The following FAM220A variants were observed in gnomAD, a reference collection of about 807,000 sequenced individuals.
FAM220A encodes the protein family with sequence similarity 220 member A.
For synonymous variants in FAM220A, 141 were observed against 130.7 expected, an observed-to-expected ratio of 1.08 and a Z score of -0.54; for missense variants, 392 against 321.6, an observed-to-expected ratio of 1.22 and a Z score of -1.68.
intron 1 of FAM220A, among the ~76,000 whole-genome samples, chr7:6,342,619 G>A (rs1334220611): frequency 6.6e-6 from 1 of 152,070 alleles, no homozygotes; most frequent in Non-Finnish European, 1.5e-5. Context: ...ACACCCAAGA[G>A]AAATAAAAAC....
rs551988767 is a variant in FAM220A at position 6,348,213 on chromosome 7, G to A, written c.-82+360C>T. On this transcript the variant is annotated intron_variant, in intron 1 of 1. Coordinates refer to ENST00000313324, the MANE Select transcript of FAM220A (RefSeq NM_001037163.2). ...AAGCCACCGCGCCCGGCCGAGACCC[G>A]TCTTTACAATTAAAAATAAGGGGGG... 1.7e-4 allele frequency among the ~76,000 whole-genome samples: 23 copies of A among 133,446 alleles called. No homozygotes were observed. In the South Asian group the frequency reaches 3.1e-3, roughly 18 times the overall value. The allele number at this position is 133,446 out of a possible 152,430, so 87.5% of individuals were successfully genotyped here.
Position 6,330,420 on chromosome 7 carries a change from C to T in FAM220A, c.735G>A (p.Leu245=). 6.2e-7 allele frequency: 1 copy of T among 1,614,026 alleles called. No homozygotes were observed. The highest frequency in any genetic ancestry group is 1.1e-5 in the South Asian group (1 of 91,054). ...SDGLQITLGL[L]ALQPFELANT... is the part of the protein sequence containing the mutation. Reference sequence around the variant, plus strand: ...TTGCTAATTCAAAAGGTTGCAGAGCCAGTAACCCCAGTGTTATCTGCAGAC... The same window carrying T: ...TTGCTAATTCAAAAGGTTGCAGAGCTAGTAACCCCAGTGTTATCTGCAGAC... Residue 245 remains leucine, a synonymous_variant, in exon 2 of 2, where the codon CTG becomes CTA. Coordinates refer to ENST00000313324, the MANE Select transcript of FAM220A (RefSeq NM_001037163.2).
rs750185672 is a variant in FAM220A, at chr7:6,330,949, G to C, written c.206C>G (p.Pro69Arg). 1.5e-5 allele frequency: 24 copies of C among 1,614,084 alleles called. No individual in the cohort carries two copies. Among genetic ancestry groups the C allele is most frequent in the Non-Finnish European group, 2.0e-5 (24 of 1,180,054 alleles). ...EALSLEMRKDPSGAGLWLHSG... is the reference protein window; with the variant it reads ...EALSLEMRKDRSGAGLWLHSG... Reference sequence around the variant, plus strand: ...GTGAAGCCAGAGGCCAGCCCCGCTCGGATCCTTTCTCATTTCCAGTGATAA... The same window carrying C: ...GTGAAGCCAGAGGCCAGCCCCGCTCCGATCCTTTCTCATTTCCAGTGATAA... The change falls in exon 2 of 2, where the codon CCG becomes CGG. Residue 69 changes from proline (P) to arginine (R), a missense_variant. By Grantham distance (103) the Pro-to-Arg change is moderately radical. Transcript: ENST00000313324.
rs189770182 is a variant in FAM220A at position 6,344,607 on chromosome 7, C to T, written c.-82+3966G>A. Among the ~76,000 whole-genome samples the T allele has an allele frequency of 4.4e-3, 670 of 152,004 alleles. 4 individuals are homozygous for T. The highest frequency in any genetic ancestry group is 8.0e-3 in the Non-Finnish European group (543 of 67,972). On this transcript the variant is annotated intron_variant, in intron 1 of 1. Transcript: ENST00000313324. ...CTAATTTTTGTATTTTTTGTAGAGA[C>T]GGAGTTTCGCCCTGTTGCCCAGGCT...
chr7:6,331,840 G>A (rs1340084961), intron 1 of FAM220A, among the ~76,000 whole-genome samples: 5 of 148,730 alleles, frequency 3.4e-5, no homozygotes, highest in East Asian at 4.1e-4. Flanking sequence ...TCTCAGGTTC[G>A]AGCGATTCTC....
chr7:6,331,693 T>A (rs1439785610), intron 1 of FAM220A, among the ~76,000 whole-genome samples: 1 of 151,526 alleles, frequency 6.6e-6, no homozygotes, highest in Non-Finnish European at 1.5e-5. Flanking sequence ...TGGAGAACAT[T>A]TCGTGGGCTT....
At chr7:6,345,972 T>C (rs952673221) in intron 1 of FAM220A, among the ~76,000 whole-genome samples, 1 of 152,068 alleles carries the variant, frequency 6.6e-6, no homozygotes, top group Admixed American at 6.6e-5. Context: ...TTTTGCCATA[T>C]TGTCCAGGCT....
chr7:6,348,897 G>T lies in FAM220A; in HGVS notation c.-406C>A, dbSNP rs893959376. 2.6e-6 allele frequency: 1 copy of T among 387,592 alleles called. No homozygotes were observed. The highest frequency in any genetic ancestry group is 3.7e-5 in the East Asian group (1 of 26,998). The allele number at this position is 387,592 out of a possible 1,614,324, so 24.0% of individuals were successfully genotyped here. ...GCGGGCGGGCGGGCCGCAGTGGAGC[G>T]GAGTCCGCACGTCACGCTCGGAGAA... On this transcript the variant is annotated 5_prime_UTR_variant, in exon 1 of 2. Transcript: ENST00000313324.
chr7:6,338,478 T>TA (rs1257934778), intron 1 of FAM220A, among the ~76,000 whole-genome samples: 3 of 151,726 alleles, frequency 2.0e-5, no homozygotes, highest in Non-Finnish European at 4.4e-5. Flanking sequence ...TCAGGAAAAA[T>TA]AAAGTGTAGC....
In FAM220A at chr7:6,331,170, A is replaced by T; in HGVS notation, c.-16T>A. On this transcript the variant is annotated 5_prime_UTR_variant, in exon 2 of 2. Transcript: ENST00000313324. The stretch of plus-strand genomic sequence containing the variant: ...TGTCCCTCATGCTTCGTGTTCTTGG[A>T]TGCGGTGGGCCTGAGGTCACGCCTT... The T allele has an allele frequency of 1.2e-6, 2 of 1,603,962 alleles. No homozygotes were observed. Among genetic ancestry groups the T allele is most frequent in the Non-Finnish European group, 1.7e-6 (2 of 1,174,788 alleles).
chr7:6,348,036 G>C (rs889050798), intron 1 of FAM220A, among the ~76,000 whole-genome samples: 2 of 151,186 alleles, frequency 1.3e-5, no homozygotes, highest in South Asian at 4.2e-4. Flanking sequence ...TCAGCCTCCC[G>C]AGTAGCTGGG....
At chr7:6,333,930 T>C (rs570585095) in intron 1 of FAM220A, among the ~76,000 whole-genome samples, 6 of 141,128 alleles carry the variant, frequency 4.3e-5, no homozygotes, top group South Asian at 2.4e-4. Flanking sequence ...CACTAAAAGC[T>C]CCACCTCCCG....
chr7:6,343,896 T>C (rs1217945997), intron 1 of FAM220A, among the ~76,000 whole-genome samples: 1 of 152,134 alleles, frequency 6.6e-6, no homozygotes, highest in Non-Finnish European at 1.5e-5. Flanking sequence ...AGGATGGGTA[T>C]GGCTTTTTCT....
At chr7:6,348,379 C>T (rs573628128) in intron 1 of FAM220A, among the ~76,000 whole-genome samples, 194 bp downstream of exon 1, 207 of 152,326 alleles carry the variant, frequency 1.4e-3, no homozygotes, top group African/African-American at 4.8e-3. Flanking sequence ...AACCTGACCC[C>T]CAGTGCCGCG....
intron 1 of FAM220A, among the ~76,000 whole-genome samples, chr7:6,343,112 T>G (rs767787389): frequency 5.3e-5 from 8 of 150,512 alleles, no homozygotes; most frequent in East Asian, 2.0e-4. Context: ...TGCAGTGGCT[T>G]ACACCTGTAA....
intron 1 of FAM220A, among the ~76,000 whole-genome samples, chr7:6,345,306 G>GGTC (rs1781933192): frequency 6.6e-6 from 1 of 150,954 alleles, no homozygotes; most frequent in Non-Finnish European, 1.5e-5. Flanking sequence ...TACAGACTGG[G>GGTC]GTCTTGCTGT....
rs200767022 is a variant in FAM220A, at chr7:6,331,031, C to A, written c.124G>T (p.Asp42Tyr). The change falls in exon 2 of 2, where the codon GAT becomes TAT. Residue 42 changes from aspartate (D) to tyrosine (Y), a missense_variant. By Grantham distance (160) the Asp-to-Tyr change is radical (BLOSUM62 -3). Coordinates refer to ENST00000313324, the MANE Select transcript of FAM220A (RefSeq NM_001037163.2). ...GGCTTATTCATCCAGGAGGGTGCAT[C>A]TGCAGGCCAAGGGCCCTCCGGCATT... is the stretch of plus-strand genomic sequence containing the variant. Reference protein sequence around the residue: ...KRMPEGPWPADAPSWMNKPVV... With the variant: ...KRMPEGPWPAYAPSWMNKPVV... The A allele has an allele frequency of 7.4e-6, 12 of 1,613,944 alleles. No individual in the cohort carries two copies. The highest frequency in any genetic ancestry group is 1.0e-5 in the Non-Finnish European group (12 of 1,180,052).
At chr7:6,338,425 G>C (rs943011169) in intron 1 of FAM220A, among the ~76,000 whole-genome samples, 2 of 152,212 alleles carry the variant, frequency 1.3e-5, no homozygotes, top group South Asian at 4.1e-4. Flanking sequence ...TACCAAAGCT[G>C]AGACCACCAG....
rs116828963 is a variant in FAM220A at position 6,332,809 on chromosome 7, A to G, written c.-81-1574T>C. Among the ~76,000 whole-genome samples, 951 of 152,320 alleles carry G rather than the reference A, an allele frequency of 6.2e-3. 14 individuals carry two copies. Among genetic ancestry groups the G allele is most frequent in the African/African-American group, 0.021 (889 of 41,586 alleles). On this transcript the variant is annotated intron_variant, in intron 1 of 1. Transcript: ENST00000313324. The stretch of plus-strand genomic sequence containing the variant: ...CAGGTAGGAAACTGCTGTTTCTCTA[A>G]TCTTATGGAACTAGGAGACTCTTAA...
Sources: gnomAD v4.1 joint callset for allele counts (sites outside exome capture counted in the v4.1 genomes callset) on GRCh38, gnomAD v4.1.1 for gene constraint, MANE v1.5 for transcripts, NCBI Gene and HGNC (gene_info 2026-07-23, HGNC 2026-07-21) for gene names.